FAM222A: variants seen among roughly 807,000 people sequenced by gnomAD.
The protein encoded by FAM222A is protein FAM222A.
A neutral mutation model predicts 25.8 loss-of-function variants in FAM222A; 7 were observed. That is an observed-to-expected ratio of 0.27 (90% CI 0.15 to 0.51). FAM222A has a LOEUF of 0.51. FAM222A is among the 20% of genes least tolerant of loss of function. FAM222A has a pLI of 0.97. For missense variants in FAM222A, 573 were observed against 640.5 expected (o/e 0.89, Z 1.14); for synonymous variants, 294 against 298.8 (o/e 0.98, Z 0.17).
chr12:109,719,983 C>T, intron 1 of FAM222A: 2 of 524,880 alleles, frequency 3.8e-6, no homozygotes, highest in Non-Finnish European at 4.9e-6. Context: ...AATTATTTTA[C>T]CCCTCTGTGC....
At chr12:109,716,800 C>T (rs960166578) in intron 1 of FAM222A, among the ~76,000 whole-genome samples, 2 of 152,258 alleles carry the variant, frequency 1.3e-5, no homozygotes, top group Admixed American at 1.3e-4. Context: ...TCTCCCTGGG[C>T]TTGGCACTCA....
At chr12:109,748,780 T>C (rs948813872) in intron 2 of FAM222A, among the ~76,000 whole-genome samples, 2 of 152,216 alleles carry the variant, frequency 1.3e-5, no homozygotes, top group Non-Finnish European at 2.9e-5. Flanking sequence ...CTAATGATAC[T>C]GTCTATCCCC....
At position 109,713,840 on chromosome 12, in the gene FAM222A, G is replaced by A. The variant is rs1306615815; in HGVS notation, c.-1104G>A. Among the ~76,000 whole-genome samples the A allele has an allele frequency of 6.6e-6, 1 of 150,586 alleles. No individual in the cohort carries two copies. Among genetic ancestry groups the A allele is most frequent in the Admixed American group, 6.6e-5 (1 of 15,134 alleles). On this transcript the variant is annotated 5_prime_UTR_variant, in exon 1 of 3. Coordinates refer to ENST00000538780, the MANE Select transcript of FAM222A (RefSeq NM_032829.3). ...CGCGCCTGTCAGTCGGGCCAGAGCG[G>A]AGCAGCGGGCAGGACTGCCTGGCCG...
rs1012597621 is a variant in FAM222A at position 109,752,937 on chromosome 12, G to A, written c.82+8709G>A. Among the ~76,000 whole-genome samples the A allele has an allele frequency of 4.6e-5, 7 of 152,292 alleles. No individual in the cohort carries two copies. In the South Asian group the frequency reaches 6.2e-4, roughly 14 times the overall value. ...CCAGGAGTTGGGGCGGCAGGCTGTC[G>A]TGGCCTGTCCTAGGTGACTGGGAAA... On this transcript the variant is annotated intron_variant, in intron 2 of 2. Transcript: ENST00000538780.
intron 1 of FAM222A, among the ~76,000 whole-genome samples, chr12:109,730,472 A>G (rs985156399): frequency 6.6e-6 from 1 of 151,168 alleles, no homozygotes; most frequent in Non-Finnish European, 1.5e-5. Flanking sequence ...CATCAGACTC[A>G]CTGAGCCCCT....
intron 1 of FAM222A, among the ~76,000 whole-genome samples, chr12:109,732,833 A>G (rs995502308): frequency 4.6e-5 from 7 of 152,266 alleles, no homozygotes; most frequent in African/African-American, 7.2e-5. Context: ...GGCCAGGCCC[A>G]TCATCCCTAC....
chr12:109,757,421 G>A (rs1888763609), intron 2 of FAM222A, among the ~76,000 whole-genome samples: 1 of 152,178 alleles, frequency 6.6e-6, no homozygotes. Context: ...GACAAAGCAG[G>A]GGTTGCAGAT....
At chr12:109,744,638 G>GT in intron 2 of FAM222A, 1 of 985,428 alleles carries the variant, frequency 1.0e-6, no homozygotes. Context: ...GGTCTTGGGT[G>GT]TTTCCTTCCC....
In FAM222A at chr12:109,729,841, AC is replaced by A. The variant is rs201448192; in HGVS notation, c.-46-14259del. Among the ~76,000 whole-genome samples the A allele has an allele frequency of 7.5e-3, 1,142 of 152,334 alleles. 15 individuals carry two copies. The highest frequency in any genetic ancestry group is 0.026 in the African/African-American group (1,075 of 41,576). Reference sequence around the variant, plus strand: ...CTTCTTTTCGATTTAATAAACACATACAATTCATTGTGTGCCAAAATGCCAC... The same window carrying A: ...CTTCTTTTCGATTTAATAAACACATAAATTCATTGTGTGCCAAAATGCCAC... On this transcript the variant is annotated intron_variant, in intron 1 of 2. Coordinates refer to ENST00000538780, the MANE Select transcript of FAM222A (RefSeq NM_032829.3).
At chr12:109,756,553 G>T (rs923247056) in intron 2 of FAM222A, among the ~76,000 whole-genome samples, 25 of 152,100 alleles carry the variant, frequency 1.6e-4, no homozygotes, top group Admixed American at 1.6e-3. Context: ...ATAGTTTTTT[G>T]AGTGTTTTTA....
At chr12:109,767,136 TG>T (rs1323186421) in intron 2 of FAM222A, among the ~76,000 whole-genome samples, 1 of 146,198 alleles carries the variant, frequency 6.8e-6, no homozygotes, top group Non-Finnish European at 1.5e-5. Flanking sequence ...CTTGAACTCC[TG>T]GGCTCAAGCG....
chr12:109,760,695 CCT>C (rs1298479524), intron 2 of FAM222A, among the ~76,000 whole-genome samples: 4 of 152,214 alleles, frequency 2.6e-5, no homozygotes, highest in African/African-American at 9.7e-5. Flanking sequence ...GAACGTCTGA[CCT>C]CTTCTGAAGC....
At chr12:109,737,627 G>A (rs1462623718) in intron 1 of FAM222A, among the ~76,000 whole-genome samples, 1 of 151,812 alleles carries the variant, frequency 6.6e-6, no homozygotes, top group Non-Finnish European at 1.5e-5. Flanking sequence ...CTGGTGCTGA[G>A]GCCCAAATGG....
At chr12:109,728,860 A>G (rs1254775344) in intron 1 of FAM222A, among the ~76,000 whole-genome samples, 1 of 152,214 alleles carries the variant, frequency 6.6e-6, no homozygotes, top group African/African-American at 2.4e-5. Flanking sequence ...CGGGACGCCC[A>G]CAGAGCAGGG....
intron 1 of FAM222A, among the ~76,000 whole-genome samples, chr12:109,721,049 C>A (rs1887736848): frequency 1.3e-5 from 2 of 152,256 alleles, no homozygotes; most frequent in Admixed American, 1.3e-4. Context: ...CTGGTATCTG[C>A]TGTGTGCCAG....
At chr12:109,736,296 C>T (rs765572734) in intron 1 of FAM222A, among the ~76,000 whole-genome samples, 3 of 152,210 alleles carry the variant, frequency 2.0e-5, no homozygotes, top group Non-Finnish European at 4.4e-5. Context: ...TTCCTACTTA[C>T]CTGTTGATAG....
chr12:109,729,517 T>C (rs1253334581), intron 1 of FAM222A, among the ~76,000 whole-genome samples: 2 of 152,086 alleles, frequency 1.3e-5, no homozygotes, highest in African/African-American at 4.8e-5. Context: ...ACCACCCAAA[T>C]AGCTATAATC....
At chr12:109,735,272 C>T (rs565700143) in intron 1 of FAM222A, among the ~76,000 whole-genome samples, 3 of 152,308 alleles carry the variant, frequency 2.0e-5, no homozygotes, top group East Asian at 1.9e-4. Flanking sequence ...CAACCTCTTC[C>T]GTGGGGCTTT....
intron 1 of FAM222A, among the ~76,000 whole-genome samples, chr12:109,719,411 A>G (rs1387440118): frequency 6.6e-6 from 1 of 152,198 alleles, no homozygotes; most frequent in Admixed American, 6.5e-5. Context: ...TCGTGGTTCC[A>G]TTCGGTAAAA....
Sources: gnomAD v4.1 joint callset for allele counts (sites outside exome capture counted in the v4.1 genomes callset) on GRCh38, gnomAD v4.1.1 for gene constraint, MANE v1.5 for transcripts, NCBI Gene and HGNC (gene_info 2026-07-23, HGNC 2026-07-21) for gene names.